Variants in SUN1 observed in about 807,000 individuals in gnomAD.
SUN1 encodes the protein SUN domain-containing protein 1.
In SUN1, 61 loss-of-function variants were observed where a neutral mutation model predicts 103.2. The observed-to-expected ratio is 0.59, with a 90% CI of 0.48 to 0.73. The LOEUF (loss-of-function observed/expected upper bound fraction) is 0.73, where lower values mean the gene tolerates loss of function less well. Ranked by LOEUF, SUN1 falls within the 30% of genes least tolerant of loss-of-function variation. The pLI, the probability that SUN1 is intolerant of heterozygous loss-of-function variation, is 0.00. For missense variants in SUN1, 1,052 were observed against 1,034.6 expected (o/e 1.02, Z -0.23); for synonymous variants, 490 against 425.7 (o/e 1.15, Z -1.86).
intron 5 of SUN1, chr7:848,708 T>C (rs909348320): frequency 2.4e-6 from 2 of 835,206 alleles, no homozygotes; most frequent in East Asian, 1.1e-4. Flanking sequence ...CCTCCCTCGC[T>C]GCCTCCTCCT....
At chr7:859,984 A>T in intron 13 of SUN1, 144 bp from the exon 14 acceptor site, 1 of 1,111,614 alleles carries the variant, frequency 9.0e-7, no homozygotes, top group Non-Finnish European at 1.3e-6. Context: ...TATTAAATTT[A>T]ATATGAAGGA....
At chr7:843,825 TA>T (rs939680773) in intron 5 of SUN1, 7 of 1,398,268 alleles carry the variant, frequency 5.0e-6, no homozygotes, top group Non-Finnish European at 6.5e-6. Flanking sequence ...TGCACACCTT[TA>T]TTTTTATAAA....
intron 5 of SUN1, chr7:843,923 G>T: frequency 8.9e-7 from 1 of 1,124,010 alleles, no homozygotes; most frequent in Non-Finnish European, 1.1e-6. Context: ...GCCAGTGTTC[G>T]TGTCGGGAAA....
chr7:823,649 G>A (rs1405291318), intron 1 of SUN1, among the ~76,000 whole-genome samples: 1 of 152,186 alleles, frequency 6.6e-6, no homozygotes, highest in Admixed American at 6.5e-5. Context: ...GAGTCTGTGC[G>A]AACAAGGTAG....
rs1423638032 is a variant in SUN1, at chr7:874,381, A to T, written c.*1050A>T. ...ATTTAATATTTAGACTATTTTACTGAGCAGACTTTATAAATGAGATATCTA... is the reference window on the plus strand; with the variant it reads ...ATTTAATATTTAGACTATTTTACTGTGCAGACTTTATAAATGAGATATCTA... On this transcript the variant is annotated 3_prime_UTR_variant, in exon 19 of 19. Coordinates refer to ENST00000401592, the MANE Select transcript of SUN1 (RefSeq NM_001130965.3). 2 of 152,634 alleles carry T rather than the reference A, an allele frequency of 1.3e-5. No homozygotes were observed. Among genetic ancestry groups the T allele is most frequent in the Non-Finnish European group, 2.9e-5 (2 of 68,044 alleles). The allele number at this position is 152,634 out of a possible 1,614,324, so 9.5% of individuals were successfully genotyped here.
chr7:848,525 A>C, intron 5 of SUN1: 1 of 1,363,198 alleles, frequency 7.3e-7, no homozygotes, highest in Non-Finnish European at 9.8e-7. Flanking sequence ...AATGAAGCTC[A>C]GTTATGAATC....
chr7:843,561 T>C, intron 5 of SUN1, 41 bp downstream of exon 5: 1 of 1,613,766 alleles, frequency 6.2e-7, no homozygotes, highest in Non-Finnish European at 8.5e-7. Context: ...AGGTGTGTTT[T>C]CCAAATTTAA....
At chr7:816,083 C>CAGATGCACACACCTTTCCGA (rs1562433915), upstream of SUN1, among the ~76,000 whole-genome samples, 2 of 141,978 alleles carry the variant, frequency 1.4e-5, no homozygotes, top group African/African-American at 5.9e-5. Context: ...CGCCCTCCCC[C>CAGATGCACACACCTTTCCGA]AGATGCACAC....
intron 16 of SUN1, 127 bp downstream of exon 16, chr7:866,194 G>A: frequency 1.3e-6 from 1 of 783,680 alleles, no homozygotes; most frequent in Non-Finnish European, 2.1e-6. Flanking sequence ...GGTACCACAA[G>A]AAGTGGCAGC....
chr7:845,390 C>T (rs538362090), intron 5 of SUN1, among the ~76,000 whole-genome samples: 3 of 152,220 alleles, frequency 2.0e-5, no homozygotes, highest in Non-Finnish European at 4.4e-5. Flanking sequence ...CTGGGCTTCA[C>T]GCCTGCCTTG....
At chr7:870,943 T>C (rs1160622074) in intron 17 of SUN1, among the ~76,000 whole-genome samples, 2 of 148,266 alleles carry the variant, frequency 1.3e-5, no homozygotes, top group Non-Finnish European at 3.0e-5. Flanking sequence ...CAGGCTGGAA[T>C]GCAGTGGCGC....
At chr7:853,051 G>A in intron 9 of SUN1, 99 bp downstream of exon 9, 8 of 1,432,570 alleles carry the variant, frequency 5.6e-6, no homozygotes, top group Non-Finnish European at 7.4e-6. Context: ...TGGGTGTCCT[G>A]TTGTAAGAAG....
In SUN1 at chr7:873,307, A is replaced by G. The variant is rs749962965; in HGVS notation, c.2334A>G (p.Arg778=). 6 of 1,614,156 alleles carry G rather than the reference A, an allele frequency of 3.7e-6. No individual in the cohort carries two copies. In the South Asian group the frequency reaches 5.5e-5, roughly 15 times the overall value. ...AGTATACCTGTCTGTATCGGTTCAG[A>G]GTTCATGGCGAACCTGTCAAGTGAA... ...HPEYTCLYRF[R]VHGEPVK is the part of the protein sequence containing the mutation. Residue 778 remains arginine, a synonymous_variant, in exon 19 of 19, where the codon AGA becomes AGG. Transcript: ENST00000401592.
At chr7:855,807 A>G (rs79512755) in intron 11 of SUN1, among the ~76,000 whole-genome samples, 17,044 of 148,466 alleles carry the variant, frequency 0.11, 1,135 homozygotes, top group South Asian at 0.23. Context: ...TCCACCCGAG[A>G]GGGTCTGCGG....
At chr7:860,820 G>A (rs890531613) in intron 14 of SUN1, among the ~76,000 whole-genome samples, 3 of 152,192 alleles carry the variant, frequency 2.0e-5, no homozygotes, top group Admixed American at 6.5e-5. Flanking sequence ...GAGCAAAGTC[G>A]TGTCTTATAT....
upstream of SUN1, among the ~76,000 whole-genome samples, chr7:827,534 A>G (rs566236242): frequency 7.3e-5 from 11 of 150,236 alleles, no homozygotes; most frequent in South Asian, 1.9e-3. Flanking sequence ...CAGTGGCGCA[A>G]TCTCGGCTCA....
intron 11 of SUN1, among the ~76,000 whole-genome samples, chr7:856,010 G>A (rs190722342): frequency 2.6e-5 from 4 of 152,308 alleles, no homozygotes; most frequent in South Asian, 2.1e-4. Flanking sequence ...AGGCCAGCAC[G>A]GCTCAGCTTC....
chr7:852,144 A>G, intron 7 of SUN1, 101 bp downstream of exon 7: 1 of 1,056,654 alleles, frequency 9.5e-7, no homozygotes, highest in South Asian at 1.4e-5. Context: ...GATTTAGCTT[A>G]TATTTACATA....
At chr7:852,691 C>G (rs200567263) in intron 8 of SUN1, 24 bp downstream of exon 8, 36 of 1,614,030 alleles carry the variant, frequency 2.2e-5, no homozygotes, top group Non-Finnish European at 3.1e-5. Flanking sequence ...GGCTGAGTTG[C>G]CTCCGATGGC....
Sources: allele counts gnomAD v4.1 joint callset (sites outside exome capture counted in the v4.1 genomes callset), GRCh38; gene constraint gnomAD v4.1.1; transcripts MANE v1.5; gene names NCBI Gene and HGNC (gene_info 2026-07-23, HGNC 2026-07-21).